PLCB1: variants seen among roughly 807,000 people sequenced by gnomAD.
The protein encoded by PLCB1 is 1-phosphatidylinositol 4,5-bisphosphate phosphodiesterase beta-1.
Under a neutral mutation model 161.8 loss-of-function variants are expected in PLCB1, and 46 were observed. The ratio of observed to expected loss-of-function variants is 0.28; its 90% CI spans 0.22 to 0.36. The LOEUF (loss-of-function observed/expected upper bound fraction) is 0.36. Among genes scored for constraint, PLCB1 ranks in the 10% least tolerant of loss-of-function variants. The pLI is 1.00. For synonymous variants in PLCB1, 517 were observed against 503.7 expected, an observed-to-expected ratio of 1.03 and a Z score of -0.35; for missense variants, 1,016 against 1,472.5, an observed-to-expected ratio of 0.69 and a Z score of 5.07.
chr20:8,397,346 A>G (rs1339368875), intron 3 of PLCB1, among the ~76,000 whole-genome samples: 2 of 152,118 alleles, frequency 1.3e-5, no homozygotes, highest in Non-Finnish European at 2.9e-5. Flanking sequence ...AATTTGCTAT[A>G]CACTTAGATT....
intron 31 of PLCB1, among the ~76,000 whole-genome samples, chr20:8,859,432 G>T (rs1004939770): frequency 5.3e-5 from 8 of 152,134 alleles, no homozygotes; most frequent in Non-Finnish European, 1.0e-4. Context: ...AGTAGATCTG[G>T]AGTGGGCCTG....
At position 8,727,324 on chromosome 20, in the gene PLCB1, T is replaced by G; in HGVS notation, c.1694T>G (p.Phe565Cys). The change falls in exon 17 of 32, where the codon TTT becomes TGT. Residue 565 changes from phenylalanine to cysteine, a missense_variant. Physicochemically the swap from Phe to Cys is radical, Grantham distance 205. This residue lies in a region of PLCB1 where 109 missense variants were observed against 129.7 expected (regional missense o/e 0.84). Coordinates refer to ENST00000338037, the MANE Select transcript of PLCB1 (RefSeq NM_015192.4). ...FEISKKRNKSFEMSSFVETKG... is the reference protein window; with the variant it reads ...FEISKKRNKSCEMSSFVETKG... ...CTTAACTCAGAAAGAAATAAAAGTTTTGAAATGTCTTCCTTCGTGGAAACC... is the reference window on the plus strand; with the variant it reads ...CTTAACTCAGAAAGAAATAAAAGTTGTGAAATGTCTTCCTTCGTGGAAACC... The G allele has an allele frequency of 6.3e-7, 1 of 1,597,598 alleles. No individual in the cohort carries two copies. The highest frequency in any genetic ancestry group is 8.6e-7 in the Non-Finnish European group (1 of 1,167,328).
intron 2 of PLCB1, among the ~76,000 whole-genome samples, chr20:8,349,000 A>G (rs1201948566): frequency 2.0e-5 from 3 of 152,202 alleles, no homozygotes; most frequent in African/African-American, 4.8e-5. Context: ...TTGTATATAT[A>G]TATGTATGTA....
intron 3 of PLCB1, among the ~76,000 whole-genome samples, chr20:8,558,803 GA>G (rs999038550): frequency 6.6e-6 from 1 of 151,686 alleles, no homozygotes; most frequent in East Asian, 1.9e-4. Flanking sequence ...AAAACAGGAG[GA>G]AAAAACAACC....
intron 2 of PLCB1, among the ~76,000 whole-genome samples, chr20:8,198,275 A>C (rs1442263297): frequency 6.6e-6 from 1 of 152,102 alleles, no homozygotes; most frequent in Admixed American, 6.6e-5. Flanking sequence ...CACAATATTG[A>C]TTCTTCCTAT....
At chr20:8,600,748 C>G (rs778764474) in intron 3 of PLCB1, 2,676 of 141,148 alleles carry the variant, frequency 0.019, 41 homozygotes, top group African/African-American at 0.046. Flanking sequence ...TAGCAACCAG[C>G]GAGACTCCGT....
At chr20:8,316,297 C>T (rs1448134709) in intron 2 of PLCB1, among the ~76,000 whole-genome samples, 1 of 152,044 alleles carries the variant, frequency 6.6e-6, no homozygotes. Flanking sequence ...TTTTTTCCAT[C>T]CCCTCCCCTC....
chr20:8,259,038 C>T (rs1184159766), intron 2 of PLCB1, among the ~76,000 whole-genome samples: 23 of 152,236 alleles, frequency 1.5e-4, no homozygotes, highest in Admixed American at 1.3e-3. Context: ...AATATGTAGC[C>T]TTTTGAGTCT....
At chr20:8,861,598 C>T (rs1046717189) in intron 31 of PLCB1, among the ~76,000 whole-genome samples, 7 of 151,970 alleles carry the variant, frequency 4.6e-5, no homozygotes, top group Non-Finnish European at 7.4e-5. Flanking sequence ...GGCATGGTGG[C>T]GCGCGCCTGT....
intron 2 of PLCB1, among the ~76,000 whole-genome samples, chr20:8,260,088 CT>C (rs1208443899): frequency 2.0e-5 from 3 of 149,528 alleles, no homozygotes; most frequent in Non-Finnish European, 4.5e-5. Flanking sequence ...TTTCTTGTTT[CT>C]TTTTTTTTCT....
At chr20:8,172,605 A>T (rs184402375) in intron 2 of PLCB1, among the ~76,000 whole-genome samples, 2 of 152,284 alleles carry the variant, frequency 1.3e-5, no homozygotes, top group African/African-American at 4.8e-5. Flanking sequence ...AGATGTTATA[A>T]AGTTTTAAAT....
intron 3 of PLCB1, among the ~76,000 whole-genome samples, chr20:8,478,772 A>AGGT (rs1982383738): frequency 1.3e-5 from 2 of 152,142 alleles, no homozygotes; most frequent in Admixed American, 1.3e-4. Context: ...TTCAAAATGT[A>AGGT]AAGTTAAAGG....
Position 8,162,654 on chromosome 20 carries a change from G to A in PLCB1, c.177+12283G>A, listed in dbSNP as rs56245280. Among the ~76,000 whole-genome samples, 1,385 of 152,286 alleles carry A rather than the reference G, an allele frequency of 9.1e-3. 26 individuals are homozygous for A. The highest frequency in any genetic ancestry group is 0.031 in the African/African-American group (1,272 of 41,552). ...ATGATTTTTCATGAGATTTCTCCCT[G>A]GCATTGTGCAAAACTCCACTTAGGA... On this transcript the variant is annotated intron_variant, in intron 2 of 31. Coordinates refer to ENST00000338037, the MANE Select transcript of PLCB1 (RefSeq NM_015192.4).
At chr20:8,721,953 A>T (rs66978742) in intron 14 of PLCB1, among the ~76,000 whole-genome samples, 136,262 of 151,856 alleles carry the variant, frequency 0.9, 61,178 homozygotes, top group East Asian at 0.99. Context: ...GATAGATAGT[A>T]TATCTGTTTT....
chr20:8,254,726 G>A (rs986449662), intron 2 of PLCB1, among the ~76,000 whole-genome samples: 6 of 151,932 alleles, frequency 3.9e-5, no homozygotes, highest in Admixed American at 3.3e-4. Flanking sequence ...TTAAAATAAT[G>A]TATGCCTCTT....
At chr20:8,258,527 TGAG>T (rs1981537359) in intron 2 of PLCB1, among the ~76,000 whole-genome samples, 1 of 152,180 alleles carries the variant, frequency 6.6e-6, no homozygotes, top group Non-Finnish European at 1.5e-5. Context: ...AAATAGATCT[TGAG>T]TTCAGTTTTT....
chr20:8,482,518 T>C (rs1206544944), intron 3 of PLCB1, among the ~76,000 whole-genome samples: 4 of 152,208 alleles, frequency 2.6e-5, no homozygotes, highest in African/African-American at 9.7e-5. Context: ...GGATATTTCT[T>C]TAAAGATCTA....
chr20:8,449,206 A>G (rs1226164888), intron 3 of PLCB1, among the ~76,000 whole-genome samples: 1 of 152,252 alleles, frequency 6.6e-6, no homozygotes, highest in African/African-American at 2.4e-5. Context: ...AGCATTTTAT[A>G]TGCATCATAG....
At chr20:8,787,756 C>T (rs1983558396) in intron 27 of PLCB1, among the ~76,000 whole-genome samples, 1 of 152,226 alleles carries the variant, frequency 6.6e-6, no homozygotes, top group Non-Finnish European at 1.5e-5. Flanking sequence ...TTGATGCCCC[C>T]TTGGGGCTTG....
Sources: gnomAD v4.1 joint callset for allele counts (sites outside exome capture counted in the v4.1 genomes callset) on GRCh38, gnomAD v4.1.1 for gene constraint, gnomAD v4.1.1 regional missense constraint, MANE v1.5 for transcripts, NCBI Gene and HGNC (gene_info 2026-07-23, HGNC 2026-07-21) for gene names.